The following PFKFB3 variants were observed in gnomAD, a reference collection of about 807,000 sequenced individuals.
PFKFB3 encodes 6-phosphofructo-2-kinase/fructose-2,6-biphosphatase 3.
In PFKFB3, 33 loss-of-function variants were observed where a neutral mutation model predicts 68.0. The ratio of observed to expected loss-of-function variants is 0.49; its 90% confidence interval spans 0.37 to 0.65. The LOEUF is 0.65. Among genes scored for constraint, PFKFB3 ranks in the 30% least tolerant of loss-of-function variants. The pLI, the probability that PFKFB3 is intolerant of heterozygous loss-of-function variation, is 0.00. For synonymous variants in PFKFB3, 315 were observed against 288.2 expected, an observed-to-expected ratio of 1.09 and a Z score of -0.94; for missense variants, 586 against 712.2, an observed-to-expected ratio of 0.82 and a Z score of 2.02.
chr10:6,266,573 G>A, the PFKFB3 span, among the ~76,000 whole-genome samples: 5 of 152,246 alleles, frequency 3.3e-5, no homozygotes, highest in South Asian at 2.1e-4. Flanking sequence ...TCACATATGC[G>A]TAAATAAAAC....
intron 10 of PFKFB3, chr10:6,222,599 C>A (rs746860105): frequency 1.4e-4 from 42 of 291,470 alleles, no homozygotes; most frequent in Admixed American, 7.5e-4. Flanking sequence ...AGATGCCACA[C>A]GTGCCTTTTG....
the PFKFB3 span, among the ~76,000 whole-genome samples, chr10:6,324,570 G>C: frequency 6.6e-6 from 1 of 152,086 alleles, no homozygotes; most frequent in African/African-American, 2.4e-5. Context: ...GGGATTACAG[G>C]CACCCGCCAC....
At chr10:6,311,490 T>TAC in the PFKFB3 span, among the ~76,000 whole-genome samples, 9 of 144,418 alleles carry the variant, frequency 6.2e-5, no homozygotes, top group Non-Finnish European at 1.1e-4. Context: ...CCAGTGGCTC[T>TAC]CTGGGCCCAG....
chr10:6,177,491 T>TTTCTTTCTTTCTTTC (rs1400936250), intron 1 of PFKFB3, among the ~76,000 whole-genome samples: 4 of 142,446 alleles, frequency 2.8e-5, no homozygotes, highest in African/African-American at 1.0e-4. Flanking sequence ...TTTCTTTTTC[T>TTTCTTTCTTTCTTTC]TTTCTTTCTC....
At chr10:6,264,349 T>C in the PFKFB3 span, among the ~76,000 whole-genome samples, 89,441 of 152,118 alleles carry the variant, frequency 0.59, 27,177 homozygotes, top group Non-Finnish European at 0.68. Context: ...CATTTGATTC[T>C]AGAATAAGCT....
At chr10:6,156,133 G>GTGTA (rs55761634) in intron 1 of PFKFB3, among the ~76,000 whole-genome samples, 77,526 of 136,436 alleles carry the variant, frequency 0.57, 22,326 homozygotes, top group Non-Finnish European at 0.7. Context: ...ATATATATGT[G>GTGTA]TGTGTGTGTG....
chr10:6,153,058 T>C (rs1016797446), intron 1 of PFKFB3, among the ~76,000 whole-genome samples: 2 of 152,008 alleles, frequency 1.3e-5, no homozygotes, highest in African/African-American at 2.4e-5. Context: ...GGTGGGTGTC[T>C]GTAATCCCAG....
At chr10:6,175,434 G>A (rs1842434827) in intron 1 of PFKFB3, among the ~76,000 whole-genome samples, 1 of 152,208 alleles carries the variant, frequency 6.6e-6, no homozygotes, top group Admixed American at 6.5e-5. Context: ...ACTCATCCGA[G>A]TGTGGGGACC....
chr10:6,172,857 C>T (rs550620378), intron 1 of PFKFB3, among the ~76,000 whole-genome samples: 2 of 151,996 alleles, frequency 1.3e-5, no homozygotes, highest in Non-Finnish European at 2.9e-5. Flanking sequence ...AGGCAGACAA[C>T]TTGTCCAGGG....
the PFKFB3 span, among the ~76,000 whole-genome samples, chr10:6,299,968 CTTTTTTTTTTTTT>C: frequency 2.1e-5 from 1 of 48,586 alleles, no homozygotes; most frequent in Non-Finnish European, 3.4e-5. Flanking sequence ...GTTCAGAAGA[CTTTTTTTTTTTTT>C]TTTTTTTTTT....
chr10:6,177,961 G>A (rs1215653604), intron 1 of PFKFB3, among the ~76,000 whole-genome samples: 1 of 152,202 alleles, frequency 6.6e-6, no homozygotes, highest in East Asian at 1.9e-4. Flanking sequence ...GGTGTGAGTG[G>A]TCACCTGAGG....
At chr10:6,310,028 T>C in the PFKFB3 span, among the ~76,000 whole-genome samples, 1 of 152,158 alleles carries the variant, frequency 6.6e-6, no homozygotes, top group Non-Finnish European at 1.5e-5. Context: ...GCATAAATCA[T>C]GGAATTTCTC....
At chr10:6,305,016 T>C in the PFKFB3 span, among the ~76,000 whole-genome samples, 10 of 84,736 alleles carry the variant, frequency 1.2e-4, no homozygotes, top group African/African-American at 4.2e-4. Flanking sequence ...TTTTTTTTTT[T>C]TTTTTTTTTT....
intron 13 of PFKFB3, among the ~76,000 whole-genome samples, chr10:6,225,636 T>C (rs996525790): frequency 6.6e-6 from 1 of 152,218 alleles, no homozygotes; most frequent in African/African-American, 2.4e-5. Flanking sequence ...CCGCAGAACC[T>C]GCTTCCTGCT....
the PFKFB3 span, among the ~76,000 whole-genome samples, chr10:6,265,715 G>A: frequency 1.4e-4 from 22 of 152,104 alleles, no homozygotes; most frequent in Non-Finnish European, 3.2e-4. Context: ...GTGCCACGAA[G>A]ACATCCTACT....
chr10:6,296,690 G>C, the PFKFB3 span, among the ~76,000 whole-genome samples: 1 of 152,176 alleles, frequency 6.6e-6, no homozygotes, highest in Non-Finnish European at 1.5e-5. Flanking sequence ...GTAAACTGTC[G>C]TGGTGCTGGT....
intron 1 of PFKFB3, among the ~76,000 whole-genome samples, chr10:6,183,614 A>AAAAATAT (rs1242752213): frequency 9.6e-5 from 9 of 93,950 alleles, no homozygotes; most frequent in African/African-American, 3.1e-4. Context: ...AAAAAAAAAA[A>AAAAATAT]ATATATATAT....
the PFKFB3 span, among the ~76,000 whole-genome samples, chr10:6,292,611 C>T: frequency 6.6e-6 from 1 of 150,860 alleles, no homozygotes; most frequent in African/African-American, 2.4e-5. Flanking sequence ...TCTTAATTGG[C>T]ATTTTATACA....
At chr10:6,292,527 G>A in the PFKFB3 span, among the ~76,000 whole-genome samples, 3 of 151,232 alleles carry the variant, frequency 2.0e-5, no homozygotes, top group African/African-American at 7.3e-5. Context: ...CTGACCTCGT[G>A]ATCTGCCCAC....
Sources: gnomAD v4.1 joint callset for allele counts (sites outside exome capture counted in the v4.1 genomes callset) on GRCh38, gnomAD v4.1.1 for gene constraint, MANE v1.5 for transcripts, NCBI Gene and HGNC (gene_info 2026-07-23, HGNC 2026-07-21) for gene names.